Variants in ZEB2 observed in about 807,000 individuals in gnomAD.
ZEB2 encodes zinc finger E-box binding homeobox 2, also known as zinc finger E-box-binding homeobox 2.
ZEB2 carries 6 observed loss-of-function variants against 99.9 expected under a neutral mutation model. The observed-to-expected ratio is 0.06, with a 90% CI of 0.03 to 0.12. The LOEUF is 0.12. Ranked by LOEUF, ZEB2 falls within the 10% of genes least tolerant of loss-of-function variation. ZEB2 has a pLI of 1.00. For synonymous variants in ZEB2, 517 were observed against 542.5 expected, an observed-to-expected ratio of 0.95 and a Z score of 0.65; for missense variants, 969 against 1,502.8, an observed-to-expected ratio of 0.64 and a Z score of 5.87.
intron 4 of ZEB2, among the ~76,000 whole-genome samples, chr2:144,419,253 CA>C (rs1703586019): frequency 6.6e-6 from 1 of 152,126 alleles, no homozygotes; most frequent in Non-Finnish European, 1.5e-5. Context: ...ATACTGGAAA[CA>C]AGTTTGACTA....
In ZEB2 at chr2:144,505,150, G is replaced by GA. The variant is rs201575142; in HGVS notation, c.73+12127dup. On this transcript the variant is annotated intron_variant, in intron 2 of 9. Transcript: ENST00000627532. Reference sequence around the variant, plus strand: ...AGAATAATGGCTCCAAGAGAGAGAAGAAAAAAAAAAAAAGACCAGTTGACT... The same window carrying GA: ...AGAATAATGGCTCCAAGAGAGAGAAGAAAAAAAAAAAAAAGACCAGTTGACT... Among the ~76,000 whole-genome samples, 477 of 121,952 alleles carry GA rather than the reference G, an allele frequency of 3.9e-3. 2 individuals are homozygous for GA. The highest frequency in any genetic ancestry group is 0.026 in the Middle Eastern group (6 of 234). 80.0% of individuals were successfully genotyped at this position (121,952 alleles called of 152,430 possible). A position where few individuals can be genotyped will look rare whatever the true frequency, so the allele number is the denominator to read the frequency against.
chr2:144,388,133 A>G lies in ZEB2; in HGVS notation c.*1318T>C, dbSNP rs1223920159. On this transcript the variant is annotated 3_prime_UTR_variant, in exon 10 of 10. Coordinates refer to ENST00000627532, the MANE Select transcript of ZEB2 (RefSeq NM_014795.4). This position sits in a 1 kb window ranked among gnomAD's most constrained non-coding sequence, Gnocchi z 5.4. ...AAAGATTTTTGTCATGGTATCATACATTGTATTTAACAGTCCCTCTTTTTA... is the reference window on the plus strand; with the variant it reads ...AAAGATTTTTGTCATGGTATCATACGTTGTATTTAACAGTCCCTCTTTTTA... The G allele has an allele frequency of 6.6e-6, 1 of 152,608 alleles. No homozygotes were observed. Among genetic ancestry groups the G allele is most frequent in the Non-Finnish European group, 1.5e-5 (1 of 68,012 alleles). 9.5% of individuals were successfully genotyped at this position (152,608 alleles called of 1,614,324 possible).
At chr2:144,427,567 T>C (rs189277886) in intron 3 of ZEB2, 1 of 152,280 alleles carries the variant, frequency 6.6e-6, no homozygotes, top group Non-Finnish European at 1.5e-5. Context: ...AAGAAAAATA[T>C]TTTATCAGAA....
intron 2 of ZEB2, among the ~76,000 whole-genome samples, chr2:144,484,248 C>T (rs940604633): frequency 7.7e-6 from 1 of 129,290 alleles, no homozygotes; most frequent in African/African-American, 2.7e-5. Context: ...GCAACCAATT[C>T]AAATGTGTTT....
rs752093731 is a variant in ZEB2 at position 144,399,167 on chromosome 2, G to A, written c.2020C>T (p.Leu674=). 2 of 1,614,064 alleles carry A rather than the reference G, an allele frequency of 1.2e-6. No individual in the cohort carries two copies. Among genetic ancestry groups the A allele is most frequent in the South Asian group, 2.2e-5 (2 of 91,088 alleles). Residue 674 remains leucine, a synonymous_variant, in exon 8 of 10, where the codon CTG becomes TTG. Coordinates refer to ENST00000627532, the MANE Select transcript of ZEB2 (RefSeq NM_014795.4). The surrounding 1 kb of genome is among the most constrained non-coding windows in gnomAD (Gnocchi z 5.6). ...CCCACAGCAATGGAAATTTTCAGCA[G>A]TTCATCGGAGTTGGGCTCCATGTTC... ...AMNMEPNSDE[L]LKISIAVGLP...
chr2:144,497,397 T>C (rs1704777592), intron 2 of ZEB2, among the ~76,000 whole-genome samples: 1 of 152,176 alleles, frequency 6.6e-6, no homozygotes, highest in South Asian at 2.1e-4. Flanking sequence ...ACATAGTAGG[T>C]GTGTAATTAA....
intron 2 of ZEB2, among the ~76,000 whole-genome samples, chr2:144,509,355 T>C (rs2149929472): frequency 6.6e-6 from 1 of 152,260 alleles, no homozygotes; most frequent in East Asian, 1.9e-4. Context: ...CCTTCATTGC[T>C]TGGGTCATGG....
chr2:144,410,167 C>T (rs1703440573), intron 4 of ZEB2, among the ~76,000 whole-genome samples: 2 of 152,092 alleles, frequency 1.3e-5, no homozygotes, highest in Admixed American at 1.3e-4. Flanking sequence ...CCTCGGCCTC[C>T]CAAAGTGCTG....
At chr2:144,513,490 T>C (rs187208853) in intron 2 of ZEB2, 13 of 1,518,496 alleles carry the variant, frequency 8.6e-6, no homozygotes, top group Non-Finnish European at 1.1e-5. Context: ...CTCCTCCTAA[T>C]TCAGTTTTTC....
chr2:144,499,191 A>C (rs1056693304), intron 2 of ZEB2, among the ~76,000 whole-genome samples: 1 of 152,216 alleles, frequency 6.6e-6, no homozygotes, highest in Non-Finnish European at 1.5e-5. Flanking sequence ...ATGCTTAAAA[A>C]GCCCCACAAA....
chr2:144,486,540 G>A (rs1249269410), intron 2 of ZEB2, among the ~76,000 whole-genome samples: 12 of 151,900 alleles, frequency 7.9e-5, no homozygotes, highest in Admixed American at 7.2e-4. Flanking sequence ...TACAAATCCC[G>A]AAAACAATTA....
At chr2:144,467,162 T>TAAA (rs199536081) in intron 2 of ZEB2, among the ~76,000 whole-genome samples, 2 of 140,516 alleles carry the variant, frequency 1.4e-5, no homozygotes, top group Non-Finnish European at 3.1e-5. Flanking sequence ...CATTGTTAAA[T>TAAA]AAAAAAAAAA....
chr2:144,494,021 A>G (rs1212383512), intron 2 of ZEB2, among the ~76,000 whole-genome samples: 2 of 151,922 alleles, frequency 1.3e-5, no homozygotes, highest in African/African-American at 2.4e-5. Flanking sequence ...GCGTGGTTGC[A>G]GGCACCTGTA....
chr2:144,439,052 T>A (rs1488489651), intron 2 of ZEB2, among the ~76,000 whole-genome samples: 1 of 150,946 alleles, frequency 6.6e-6, no homozygotes, highest in Admixed American at 6.6e-5. Flanking sequence ...ATTTCTGTCA[T>A]GAGGCACTGA....
At chr2:144,396,000 G>A (rs944783512) in intron 9 of ZEB2, among the ~76,000 whole-genome samples, 8 of 150,820 alleles carry the variant, frequency 5.3e-5, no homozygotes, top group African/African-American at 1.9e-4. Context: ...TGGCTTTCTT[G>A]GTGTTTTGGA....
chr2:144,418,259 C>T (rs1229774233), intron 4 of ZEB2, among the ~76,000 whole-genome samples: 1 of 152,170 alleles, frequency 6.6e-6, no homozygotes, highest in South Asian at 2.1e-4. Context: ...AATGTCAAAG[C>T]CTCTCAAAAT....
At chr2:144,517,134 C>A in intron 2 of ZEB2, 144 bp downstream of exon 2, 2 of 853,118 alleles carry the variant, frequency 2.3e-6, no homozygotes, top group Non-Finnish European at 1.6e-6. Flanking sequence ...CGGGCTCCGG[C>A]GCCGGCCGCG....
intron 2 of ZEB2, chr2:144,512,737 G>C: frequency 2.3e-6 from 3 of 1,287,170 alleles, no homozygotes; most frequent in Non-Finnish European, 3.0e-6. Flanking sequence ...AATTGGCTTA[G>C]TTTTTCCAGA....
At chr2:144,479,321 C>T (rs980037617) in intron 2 of ZEB2, among the ~76,000 whole-genome samples, 2 of 152,036 alleles carry the variant, frequency 1.3e-5, no homozygotes, top group African/African-American at 4.8e-5. Context: ...TGCTCCTGGC[C>T]CTTCTCTTCT....
Sources: gnomAD v4.1 joint callset for allele counts (sites outside exome capture counted in the v4.1 genomes callset) on GRCh38, gnomAD v4.1.1 for gene constraint, Gnocchi (gnomAD v3.1) non-coding constraint, MANE v1.5 for transcripts, NCBI Gene and HGNC (gene_info 2026-07-23, HGNC 2026-07-21) for gene names.